The following COMMD6 variants were observed in gnomAD, a reference collection of about 807,000 sequenced individuals.
The protein encoded by COMMD6 is COMM domain containing 6, also known as COMM domain-containing protein 6.
A neutral mutation model predicts 13.4 loss-of-function variants in COMMD6; 11 were observed. The ratio of observed to expected loss-of-function variants is 0.82; its 90% CI spans 0.52 to 1.36. The LOEUF is 1.36. COMMD6 is among the 40% of genes most tolerant of loss of function. The pLI, the probability that COMMD6 is intolerant of heterozygous loss-of-function variation, is 0.00. For synonymous variants in COMMD6, 43 were observed against 36.5 expected (o/e 1.18, Z -0.64); for missense variants, 124 against 102.4 (o/e 1.21, Z -0.91).
At chr13:75,530,461 C>G (rs1454024260) in intron 2 of COMMD6, 195 bp from the exon 3 acceptor site, 1 of 379,660 alleles carries the variant, frequency 2.6e-6, no homozygotes, top group Non-Finnish European at 4.6e-6. Flanking sequence ...GGGATATAAA[C>G]AGTTAAAAAA....
At chr13:75,541,512 C>A (rs540837875), upstream of COMMD6, among the ~76,000 whole-genome samples, 2 of 151,900 alleles carry the variant, frequency 1.3e-5, no homozygotes, top group African/African-American at 4.8e-5. Context: ...GGAAGCTGCC[C>A]GTTCATCTCA....
At chr13:75,545,994 G>A (rs1213590177) in intron 1 of COMMD6, among the ~76,000 whole-genome samples, 2 of 152,086 alleles carry the variant, frequency 1.3e-5, no homozygotes, top group African/African-American at 4.8e-5. Flanking sequence ...AGTATAATTG[G>A]AGTGTTTGTA....
rs553614361 is a variant in COMMD6, at chr13:75,529,497, G to A, written c.207+617C>T. On this transcript the variant is annotated intron_variant, in intron 3 of 3. Coordinates refer to ENST00000682242, the MANE Select transcript of COMMD6 (RefSeq NM_203495.4). ...GATCGTGCCACTGCACTCCAGCCTGGGCAACAGAGCGAGACTCCGTCTCAA... is the reference window on the plus strand; with the variant it reads ...GATCGTGCCACTGCACTCCAGCCTGAGCAACAGAGCGAGACTCCGTCTCAA... Among the ~76,000 whole-genome samples the A allele has an allele frequency of 3.0e-4, 42 of 138,646 alleles. 2 individuals carry two copies. The South Asian group carries it at 3.6e-3, about 12-fold the overall frequency. The allele number at this position is 138,646 out of a possible 152,430, so 91.0% of individuals were successfully genotyped here. A position where few individuals can be genotyped will look rare whatever the true frequency, so the allele number is the denominator to read the frequency against.
intron 3 of COMMD6, chr13:75,529,864 C>G (rs1447066136): frequency 2.9e-6 from 1 of 343,430 alleles, no homozygotes. Flanking sequence ...CCTAAATATA[C>G]TCAGAGAGGA....
chr13:75,535,311 T>C (rs1455950832), intron 2 of COMMD6, among the ~76,000 whole-genome samples: 1 of 152,160 alleles, frequency 6.6e-6, no homozygotes, highest in Non-Finnish European at 1.5e-5. Flanking sequence ...CCTACGACTT[T>C]TTTCCAGTGT....
intron 2 of COMMD6, among the ~76,000 whole-genome samples, chr13:75,535,944 G>A (rs1344670044): frequency 6.6e-6 from 1 of 151,664 alleles, no homozygotes; most frequent in Non-Finnish European, 1.5e-5. Flanking sequence ...CTGGACTGCT[G>A]TGGTGTAATC....
chr13:75,533,584 A>G (rs2030565806), intron 2 of COMMD6, among the ~76,000 whole-genome samples: 1 of 151,974 alleles, frequency 6.6e-6, no homozygotes, highest in South Asian at 2.1e-4. Flanking sequence ...AAAAAAAAAA[A>G]AAAAGAGAGA....
intron 1 of COMMD6, among the ~76,000 whole-genome samples, chr13:75,544,501 T>C (rs2030872157): frequency 6.6e-6 from 1 of 152,036 alleles, no homozygotes; most frequent in Non-Finnish European, 1.5e-5. Context: ...GTGGCTCACA[T>C]GGTGTAATCC....
intron 3 of COMMD6, chr13:75,529,655 T>G (rs2030400654): frequency 6.5e-6 from 1 of 152,866 alleles, no homozygotes; most frequent in Non-Finnish European, 1.5e-5. Flanking sequence ...CTGAGTTACT[T>G]AAGTCCCTAG....
At chr13:75,535,085 G>C (rs9600489) in intron 2 of COMMD6, among the ~76,000 whole-genome samples, 3 of 152,162 alleles carry the variant, frequency 2.0e-5, no homozygotes, top group Non-Finnish European at 4.4e-5. Flanking sequence ...AACCTGGGAC[G>C]ACCTCTTTCA....
At chr13:75,529,390 G>A (rs188248372) in intron 3 of COMMD6, among the ~76,000 whole-genome samples, 1 of 151,944 alleles carries the variant, frequency 6.6e-6, no homozygotes, top group East Asian at 1.9e-4. Flanking sequence ...GCATGGTGGT[G>A]GGCGCCTGTA....
upstream of COMMD6, among the ~76,000 whole-genome samples, chr13:75,543,694 T>A (rs550123237): frequency 6.6e-6 from 1 of 152,326 alleles, no homozygotes; most frequent in East Asian, 1.9e-4. Context: ...AATAGAGCTA[T>A]CAATATTTGT....
chr13:75,548,048 G>C (rs1188482051), intron 1 of COMMD6, among the ~76,000 whole-genome samples: 2 of 152,240 alleles, frequency 1.3e-5, no homozygotes, highest in Admixed American at 6.5e-5. Context: ...AGTGTCCCTG[G>C]AAGATAAAGA....
chr13:75,532,017 G>A (rs865910717), intron 2 of COMMD6, among the ~76,000 whole-genome samples: 4 of 152,168 alleles, frequency 2.6e-5, no homozygotes, highest in Non-Finnish European at 5.9e-5. Flanking sequence ...TCAATTACAC[G>A]TAAAACCAAA....
chr13:75,536,458 G>GCA (rs2030666115), intron 2 of COMMD6, among the ~76,000 whole-genome samples: 1 of 152,198 alleles, frequency 6.6e-6, no homozygotes, highest in Admixed American at 6.5e-5. Flanking sequence ...AACAGTATTG[G>GCA]TAGATGTGAC....
intron 1 of COMMD6, among the ~76,000 whole-genome samples, chr13:75,544,120 G>T (rs533946544): frequency 9.2e-5 from 14 of 151,830 alleles, no homozygotes; most frequent in African/African-American, 1.7e-4. Flanking sequence ...GGTGGTGGGT[G>T]GGGGGGAGGT....
At chr13:75,539,770 T>C (rs1400926079), upstream of COMMD6, among the ~76,000 whole-genome samples, 1 of 151,986 alleles carries the variant, frequency 6.6e-6, no homozygotes, top group Non-Finnish European at 1.5e-5. Context: ...ACTCGGAAAC[T>C]AGGCCAAAAA....
Position 75,537,833 on chromosome 13 carries a change from A to G in COMMD6, c.-28T>C. ...GCAGCGTCTGGGACTTGCGGCCCGGACTCGAGAGAACGCCCCCAGACCAGC... is the reference window on the plus strand; with the variant it reads ...GCAGCGTCTGGGACTTGCGGCCCGGGCTCGAGAGAACGCCCCCAGACCAGC... On this transcript the variant is annotated 5_prime_UTR_variant, in exon 1 of 4. Transcript: ENST00000682242. 1 of 1,574,328 alleles carries G rather than the reference A, an allele frequency of 6.4e-7. No individual in the cohort carries two copies. The highest frequency in any genetic ancestry group is 8.6e-7 in the Non-Finnish European group (1 of 1,158,210).
intron 2 of COMMD6, chr13:75,537,273 G>A: frequency 1.3e-6 from 2 of 1,496,288 alleles, no homozygotes; most frequent in Non-Finnish European, 1.8e-6. Context: ...TACTCTAAAA[G>A]GCTAAAATGC....
Sources: gnomAD v4.1 joint callset for allele counts (sites outside exome capture counted in the v4.1 genomes callset) on GRCh38, gnomAD v4.1.1 for gene constraint, MANE v1.5 for transcripts, NCBI Gene and HGNC (gene_info 2026-07-23, HGNC 2026-07-21) for gene names.